Variants in PLCG2 observed in about 807,000 individuals in gnomAD.
PLCG2 encodes phospholipase C gamma 2.
In PLCG2, 69 loss-of-function variants were observed where a neutral mutation model predicts 175.6. The ratio of observed to expected loss-of-function variants is 0.39; its 90% CI spans 0.32 to 0.48. PLCG2 has a LOEUF of 0.48. PLCG2 is among the 20% of genes least tolerant of loss of function. The probability of loss-of-function intolerance (pLI) is 0.91; values close to 1 mark genes in which losing one functional copy is unlikely to be tolerated. For synonymous variants in PLCG2, 827 were observed against 624.0 expected (o/e 1.33, Z -4.85); for missense variants, 1,798 against 1,650.9 (o/e 1.09, Z -1.54).
chr16:81,742,362 A>G (rs1376680369), intron 1 of PLCG2, among the ~76,000 whole-genome samples: 1 of 152,096 alleles, frequency 6.6e-6, no homozygotes, highest in Admixed American at 6.6e-5. Flanking sequence ...CCAGGTGCAG[A>G]GTTGAGGATG....
chr16:81,880,998 T>C, intron 8 of PLCG2, 45 bp downstream of exon 8: 1 of 1,594,826 alleles, frequency 6.3e-7, no homozygotes, highest in Non-Finnish European at 8.6e-7. Flanking sequence ...GTGCCGGACC[T>C]CGGTGCCTGG....
At chr16:81,793,376 G>C (rs1020926215) in intron 2 of PLCG2, among the ~76,000 whole-genome samples, 2 of 152,158 alleles carry the variant, frequency 1.3e-5, no homozygotes, top group South Asian at 2.1e-4. Context: ...TGAGCCTTAG[G>C]TGTCCTCTTG....
chr16:81,916,187 C>T (rs571652037), intron 19 of PLCG2, among the ~76,000 whole-genome samples: 2 of 151,510 alleles, frequency 1.3e-5, no homozygotes, highest in South Asian at 4.2e-4. Flanking sequence ...GGAAATAAAC[C>T]ACTGAAGCAG....
chr16:81,899,270 G>GTATATATATA (rs369588165), intron 13 of PLCG2, among the ~76,000 whole-genome samples: 1 of 147,660 alleles, frequency 6.8e-6, no homozygotes, highest in African/African-American at 2.5e-5. Flanking sequence ...GAGTATGTGT[G>GTATATATATA]TATATATATA....
rs1188880178 is a variant in PLCG2, at chr16:81,871,767, G to A, written c.648+832G>A. Reference sequence around the variant, plus strand: ...TCCTGGGGACTCTGTTTTATGAAAGGGAAAACATCGGGGCCTGAGAATATA... The same window carrying A: ...TCCTGGGGACTCTGTTTTATGAAAGAGAAAACATCGGGGCCTGAGAATATA... On this transcript the variant is annotated intron_variant, in intron 7 of 32. Coordinates refer to ENST00000564138, the MANE Select transcript of PLCG2 (RefSeq NM_002661.5). Among the ~76,000 whole-genome samples, 3 of 152,132 alleles carry A rather than the reference G, an allele frequency of 2.0e-5. No individual in the cohort carries two copies. In the East Asian group the frequency reaches 5.8e-4, roughly 29 times the overall value.
chr16:81,849,700 G>A (rs781014982), intron 2 of PLCG2, among the ~76,000 whole-genome samples: 6 of 149,532 alleles, frequency 4.0e-5, no homozygotes, highest in Non-Finnish European at 7.4e-5. Flanking sequence ...GAACCCAGGA[G>A]GCGGAGGTTG....
chr16:81,953,531 G>A (rs1911450489), intron 31 of PLCG2, among the ~76,000 whole-genome samples: 3 of 152,102 alleles, frequency 2.0e-5, no homozygotes, highest in South Asian at 2.1e-4. Context: ...AAGGCAGAGA[G>A]TGCCATAAAG....
At position 81,961,341 on chromosome 16, in the gene PLCG2, T is replaced by G. The variant is rs1429664163; in HGVS notation, c.*3343T>G. ...TTATCAATCTACATAGATGAAATAA[T>G]TGTGGAGAAAAGCCCTCTTTATCTC... is the stretch of plus-strand genomic sequence containing the variant. On this transcript the variant is annotated 3_prime_UTR_variant, in exon 33 of 33. Transcript: ENST00000564138. 4.4e-6 allele frequency: 1 copy of G among 225,636 alleles called. No individual in the cohort carries two copies. The highest frequency in any genetic ancestry group is 8.8e-6 in the Non-Finnish European group (1 of 113,374). The allele number at this position is 225,636 out of a possible 1,614,324, so 14.0% of individuals were successfully genotyped here.
chr16:81,829,283 A>G (rs142578563), intron 2 of PLCG2, among the ~76,000 whole-genome samples: 34 of 152,072 alleles, frequency 2.2e-4, no homozygotes, highest in African/African-American at 4.8e-4. Context: ...TAATTTTTGT[A>G]TTTTTAGTAG....
intron 2 of PLCG2, among the ~76,000 whole-genome samples, chr16:81,827,783 C>A (rs1905102915): frequency 6.6e-6 from 1 of 151,920 alleles, no homozygotes; most frequent in Admixed American, 6.6e-5. Flanking sequence ...TGTGAAATCT[C>A]CTCATTTAAA....
intron 24 of PLCG2, among the ~76,000 whole-genome samples, chr16:81,930,358 T>C (rs1212509005): frequency 6.6e-6 from 1 of 152,162 alleles, no homozygotes; most frequent in Non-Finnish European, 1.5e-5. Flanking sequence ...CTCTCCTAGT[T>C]TCTGGTGACT....
At position 81,859,698 on chromosome 16, in the gene PLCG2, C is replaced by T. The variant is rs996095204; in HGVS notation, c.479+535C>T. 3.9e-5 allele frequency among the ~76,000 whole-genome samples: 6 copies of T among 152,146 alleles called. No individual in the cohort carries two copies. The East Asian group carries it at 9.6e-4, about 24-fold the overall frequency. ...TACAGGCACCCGCCACCATGCCCGG[C>T]TAATTTTTTTTGTATTTTTAGTAGA... is the stretch of plus-strand genomic sequence containing the variant. On this transcript the variant is annotated intron_variant, in intron 5 of 32. Coordinates refer to ENST00000564138, the MANE Select transcript of PLCG2 (RefSeq NM_002661.5).
chr16:81,864,064 G>C (rs1414772835), intron 5 of PLCG2, among the ~76,000 whole-genome samples: 1 of 152,204 alleles, frequency 6.6e-6, no homozygotes, highest in Non-Finnish European at 1.5e-5. Context: ...CTTCTGTGAA[G>C]CTGGGGTTGA....
chr16:81,915,116 C>T (rs866793498), intron 19 of PLCG2, among the ~76,000 whole-genome samples: 1 of 152,136 alleles, frequency 6.6e-6, no homozygotes, highest in Non-Finnish European at 1.5e-5. Flanking sequence ...ATAAGGAAAT[C>T]AGTGTAGTAT....
chr16:81,907,813 A>C (rs751110939), intron 16 of PLCG2, 39 bp downstream of exon 16: 2 of 1,460,768 alleles, frequency 1.4e-6, no homozygotes, highest in Admixed American at 1.7e-5. Context: ...GGAGGTCCCC[A>C]GGAACCCCGA....
At chr16:81,916,738 A>G (rs1371641201) in intron 19 of PLCG2, among the ~76,000 whole-genome samples, 2 of 152,088 alleles carry the variant, frequency 1.3e-5, no homozygotes, top group Non-Finnish European at 2.9e-5. Context: ...CCTGGGTTCA[A>G]GGGAGTCTCC....
intron 1 of PLCG2, among the ~76,000 whole-genome samples, chr16:81,741,045 G>A (rs143697014): frequency 3.3e-3 from 507 of 152,230 alleles, no homozygotes; most frequent in African/African-American, 0.012. Flanking sequence ...TTCCCCCAAG[G>A]CAGTCCCCTT....
Position 81,910,700 on chromosome 16 carries a change from C to T in PLCG2, c.1914C>T (p.Pro638=). Residue 638 remains proline, a synonymous_variant, in exon 18 of 33, where the codon CCC becomes CCT. Coordinates refer to ENST00000564138, the MANE Select transcript of PLCG2 (RefSeq NM_002661.5). The part of the protein sequence containing the change: ...ELRLTDPVPN[P]NPHESKPWYY... Reference sequence around the variant, plus strand: ...GGCTCACGGACCCTGTGCCCAACCCCAACCCCCACGAGTCCAAGCCGTACG... The same window carrying T: ...GGCTCACGGACCCTGTGCCCAACCCTAACCCCCACGAGTCCAAGCCGTACG... 3 of 1,610,626 alleles carry T rather than the reference C, an allele frequency of 1.9e-6. No homozygotes were observed. Among genetic ancestry groups the T allele is most frequent in the Non-Finnish European group, 1.7e-6 (2 of 1,179,972 alleles).
At chr16:81,850,280 G>T (rs536228804) in intron 2 of PLCG2, among the ~76,000 whole-genome samples, 1 of 152,222 alleles carries the variant, frequency 6.6e-6, no homozygotes, top group Non-Finnish European at 1.5e-5. Flanking sequence ...TCATTTTTTT[G>T]AGATAAATTA....
Sources: gnomAD v4.1 joint callset for allele counts (sites outside exome capture counted in the v4.1 genomes callset) on GRCh38, gnomAD v4.1.1 for gene constraint, MANE v1.5 for transcripts, NCBI Gene and HGNC (gene_info 2026-07-23, HGNC 2026-07-21) for gene names.